DOCK11: variants seen among roughly 807,000 people sequenced by gnomAD.
DOCK11 encodes the protein dedicator of cytokinesis 11.
In DOCK11, 70 loss-of-function variants were observed where a neutral mutation model predicts 169.1. The ratio of observed to expected loss-of-function variants is 0.41; its 90% confidence interval spans 0.34 to 0.51. The LOEUF (loss-of-function observed/expected upper bound fraction) is 0.51. DOCK11 is among the 20% of genes least tolerant of loss of function. DOCK11 has a pLI of 0.10. For missense variants in DOCK11, 1,166 were observed against 1,538.8 expected (o/e 0.76, Z 4.05); for synonymous variants, 529 against 541.3 (o/e 0.98, Z 0.32).
At chrX:118,597,868 T>C (rs1446266418) in intron 21 of DOCK11, among the ~76,000 whole-genome samples, 162 bp from the exon 22 acceptor site, 1 of 112,188 alleles carries the variant, frequency 8.9e-6, no homozygotes. Flanking sequence ...TGTAAAATGA[T>C]TTATGATACA....
chrX:118,587,914 C>T (rs775275781), intron 16 of DOCK11, among the ~76,000 whole-genome samples: 1 of 111,849 alleles, frequency 8.9e-6, no homozygotes, highest in Non-Finnish European at 1.9e-5. Context: ...AATAGCACTC[C>T]ACGTCTGGTA....
At chrX:118,562,041 C>T (rs746398165) in intron 7 of DOCK11, among the ~76,000 whole-genome samples, 2 of 108,698 alleles carry the variant, frequency 1.8e-5, no homozygotes, top group East Asian at 5.8e-4. Flanking sequence ...TGGCACGCAC[C>T]TGTAATCCCA....
chrX:118,503,411 T>A (rs767751200), intron 1 of DOCK11, among the ~76,000 whole-genome samples: 1 of 111,498 alleles, frequency 9.0e-6, no homozygotes, highest in Non-Finnish European at 1.9e-5. Context: ...GGAGAAGACA[T>A]AAGAAACATT....
At chrX:118,506,983 C>T (rs2057617048) in intron 1 of DOCK11, among the ~76,000 whole-genome samples, 1 of 112,160 alleles carries the variant, frequency 8.9e-6, no homozygotes, top group Non-Finnish European at 1.9e-5. Context: ...GGAAAACATG[C>T]CGAGTGTTCC....
At chrX:118,643,771 C>A (rs1216378362) in intron 40 of DOCK11, among the ~76,000 whole-genome samples, 177 bp downstream of exon 40, 2 of 111,533 alleles carry the variant, frequency 1.8e-5, no homozygotes, top group East Asian at 5.6e-4. Flanking sequence ...TACCATGAAC[C>A]CCCTCAAATC....
At chrX:118,590,600 A>G (rs1482851828) in intron 19 of DOCK11, among the ~76,000 whole-genome samples, 1 of 111,738 alleles carries the variant, frequency 8.9e-6, no homozygotes, top group Non-Finnish European at 1.9e-5. Context: ...GCTCTGTAAC[A>G]TCAAGTCACT....
Position 118,676,745 on chromosome X carries a change from ATACCC to A in DOCK11, c.5460+12_5460+16del, listed in dbSNP as rs2016619730. The stretch of plus-strand genomic sequence containing the variant: ...ATTCAGGATTCAGACAAGGTAACAC[ATACCC>A]TACATGTTGAAATCATTATTTGTTA... On this transcript the variant is annotated intron_variant, in intron 48 of 52. Transcript: ENST00000276202. 1 of 1,184,887 alleles carries A rather than the reference ATACCC, an allele frequency of 8.4e-7. No homozygotes were observed. Among genetic ancestry groups the A allele is most frequent in the African/African-American group, 1.8e-5 (1 of 56,698 alleles).
At chrX:118,600,927 G>T (rs1448097706) in intron 23 of DOCK11, among the ~76,000 whole-genome samples, 2 of 110,931 alleles carry the variant, frequency 1.8e-5, no homozygotes, top group Non-Finnish European at 3.8e-5. Flanking sequence ...TGTCGAGTAA[G>T]GCTTCATAAG....
intron 23 of DOCK11, among the ~76,000 whole-genome samples, chrX:118,601,211 CCCAGGAGTTCGAGA>C (rs2014327161): frequency 9.1e-6 from 1 of 110,332 alleles, no homozygotes; most frequent in South Asian, 3.9e-4. Context: ...ATTGCTTGAG[CCCAGGAGTTCGAGA>C]CCAGCCTGAT....
chrX:118,576,556 G>A (rs901177540), intron 12 of DOCK11, among the ~76,000 whole-genome samples: 28 of 112,013 alleles, frequency 2.5e-4, no homozygotes, highest in African/African-American at 9.1e-4. Context: ...GGTGGTGACA[G>A]TACCTGTCTC....
chrX:118,662,972 G>A (rs2016253973), intron 45 of DOCK11, among the ~76,000 whole-genome samples, 180 bp downstream of exon 45: 1 of 112,076 alleles, frequency 8.9e-6, no homozygotes, highest in Admixed American at 9.5e-5. Flanking sequence ...CTCTTGAACT[G>A]GTCCCATTGT....
rs761852721 is a variant in DOCK11 at position 118,618,589 on chromosome X, A to G, written c.3332A>G (p.Lys1111Arg). ...TACAGTTTATCAGATGAGTATTGCA[A>G]GCATCACTTCTTGGTTGGTCTACTT... ...LEYSLSDEYCKHHFLVGLLLR... is the reference protein window; with the variant it reads ...LEYSLSDEYCRHHFLVGLLLR... The change falls in exon 31 of 53, where the codon AAG (lysine) becomes AGG (arginine). Residue 1111 changes from lysine (K) to arginine (R), a missense_variant. Coordinates refer to ENST00000276202, the MANE Select transcript of DOCK11 (RefSeq NM_144658.4). The G allele has an allele frequency of 8.3e-7, 1 of 1,209,023 alleles. No individual in the cohort carries two copies. The highest frequency in any genetic ancestry group is 1.1e-6 in the Non-Finnish European group (1 of 894,488).
chrX:118,647,766 TATA>T (rs1415908739), intron 40 of DOCK11, among the ~76,000 whole-genome samples: 2 of 40,940 alleles, frequency 4.9e-5, no homozygotes, highest in Non-Finnish European at 7.5e-5. Context: ...TATAATATAT[TATA>T]ATATATAATA....
chrX:118,639,118 G>A (rs1249307461), intron 37 of DOCK11, among the ~76,000 whole-genome samples: 1 of 111,629 alleles, frequency 9.0e-6, no homozygotes, highest in East Asian at 2.8e-4. Context: ...GTGAACCTCT[G>A]GCTGTCTTCT....
chrX:118,590,936 A>G (rs1166456819), intron 19 of DOCK11, among the ~76,000 whole-genome samples: 4 of 111,430 alleles, frequency 3.6e-5, no homozygotes, highest in African/African-American at 9.8e-5. Context: ...CTCCACCTCT[A>G]CATCTCTGTG....
chrX:118,576,942 T>C (rs1443087689), intron 12 of DOCK11, among the ~76,000 whole-genome samples: 1 of 112,362 alleles, frequency 8.9e-6, no homozygotes, highest in East Asian at 2.8e-4. Flanking sequence ...ATTACTGTTC[T>C]AATCAGGCCT....
At chrX:118,672,063 A>G (rs1043659309) in intron 46 of DOCK11, among the ~76,000 whole-genome samples, 1 of 112,396 alleles carries the variant, frequency 8.9e-6, no homozygotes, top group African/African-American at 3.2e-5. Flanking sequence ...CTTCACTTCA[A>G]AAAGCTGTCA....
intron 24 of DOCK11, 27 bp downstream of exon 24, chrX:118,605,383 A>T: frequency 2.0e-6 from 2 of 1,008,898 alleles, no homozygotes; most frequent in Admixed American, 2.7e-5. Flanking sequence ...TAATACAAAG[A>T]TGCTATTTAT....
chrX:118,529,850 T>G (rs2011468325), intron 1 of DOCK11, among the ~76,000 whole-genome samples: 1 of 110,774 alleles, frequency 9.0e-6, no homozygotes, highest in Admixed American at 9.6e-5. Context: ...TCATCAAATA[T>G]GAGATAACAT....
Sources: gnomAD v4.1 joint callset for allele counts (sites outside exome capture counted in the v4.1 genomes callset) on GRCh38, gnomAD v4.1.1 for gene constraint, MANE v1.5 for transcripts, NCBI Gene and HGNC (gene_info 2026-07-23, HGNC 2026-07-21) for gene names.